The following UNC13A variants were observed in gnomAD, a reference collection of about 807,000 sequenced individuals.
The protein encoded by UNC13A is protein unc-13 homolog A.
In UNC13A, 61 loss-of-function variants were observed where a neutral mutation model predicts 219.7. That is an observed-to-expected ratio of 0.28 (90% CI 0.23 to 0.34). The LOEUF is 0.34. Ranked by LOEUF, UNC13A falls within the 10% of genes least tolerant of loss-of-function variation. The pLI is 1.00. For missense variants in UNC13A, 1,476 were observed against 2,270.3 expected (o/e 0.65, Z 7.11); for synonymous variants, 920 against 884.6 (o/e 1.04, Z -0.71).
intron 43 of UNC13A, among the ~76,000 whole-genome samples, chr19:17,608,652 G>A (rs943291352): frequency 1.3e-5 from 2 of 150,938 alleles, no homozygotes; most frequent in Non-Finnish European, 1.5e-5. Context: ...CGAGTAGCTG[G>A]GACTACAGGC....
chr19:17,648,376 A>T (rs373265371), intron 16 of UNC13A, 55 bp downstream of exon 16: 2 of 1,409,486 alleles, frequency 1.4e-6, no homozygotes, highest in South Asian at 2.9e-5. Context: ...CCGCCATGCA[A>T]GCCCCGGGGC....
At chr19:17,628,303 AC>A in intron 31 of UNC13A, 2 of 227,314 alleles carry the variant, frequency 8.8e-6, no homozygotes, top group Non-Finnish European at 1.7e-5. Flanking sequence ...ACAGTGACAC[AC>A]TGAAGGCGTG....
At chr19:17,629,409 AG>A in intron 30 of UNC13A, 86 bp from the exon 31 acceptor site, 1 of 1,253,394 alleles carries the variant, frequency 8.0e-7, no homozygotes, top group Non-Finnish European at 1.1e-6. Flanking sequence ...TAGTGAGATC[AG>A]TGATGAACCC....
intron 9 of UNC13A, among the ~76,000 whole-genome samples, chr19:17,657,422 G>A (rs1468248129): frequency 6.6e-6 from 1 of 152,148 alleles, no homozygotes; most frequent in Non-Finnish European, 1.5e-5. Context: ...GGCCAGGTCA[G>A]GCCCTCTGTT....
intron 26 of UNC13A, among the ~76,000 whole-genome samples, chr19:17,635,160 G>A (rs750325692): frequency 5.3e-5 from 8 of 151,530 alleles, no homozygotes; most frequent in Non-Finnish European, 8.8e-5. Context: ...GCCACCGCGC[G>A]TGGCCAATTT....
intron 1 of UNC13A, among the ~76,000 whole-genome samples, chr19:17,685,041 G>C (rs1297064769): frequency 6.6e-6 from 1 of 152,208 alleles, no homozygotes; most frequent in Non-Finnish European, 1.5e-5. Flanking sequence ...TCATCCACTT[G>C]TTGAAAGGGG....
intron 6 of UNC13A, 85 bp downstream of exon 6, chr19:17,668,032 G>A (rs1382782110): frequency 7.1e-7 from 1 of 1,401,580 alleles, no homozygotes; most frequent in South Asian, 1.2e-5. Context: ...CAAGCTTAGA[G>A]AGAAACAGCA....
At chr19:17,675,962 A>C (rs1293727476) in intron 2 of UNC13A, 50 bp downstream of exon 2, 1 of 1,520,838 alleles carries the variant, frequency 6.6e-7, no homozygotes, top group Admixed American at 2.0e-5. Flanking sequence ...TCCAAGAGAC[A>C]GACAGACAGA....
chr19:17,630,184 G>A lies in UNC13A; in HGVS notation c.3630C>T (p.Asp1210=). 4 of 1,552,220 alleles carry A rather than the reference G, an allele frequency of 2.6e-6. No individual in the cohort carries two copies. The highest frequency in any genetic ancestry group is 3.5e-6 in the Non-Finnish European group (4 of 1,147,158). ...TCATGTAGTGCCCCACGATCTGAGG[G>A]TCGGGACACTCGAGTTTCTTGATGA... is the stretch of plus-strand genomic sequence containing the variant. ...FEIIKKLECP[D]PQIVGHYMRR... The change falls in exon 30 of 44, where the codon GAC becomes GAT. Residue 1210 remains aspartate (D), a synonymous_variant. Transcript: ENST00000519716.
Position 17,666,668 on chromosome 19 carries a change from C to T in UNC13A, c.505G>A (p.Val169Ile), listed in dbSNP as rs755637752. ...FQDEQDKPLP[V>I]PSNQCCNWNY... ...TACTTACAGCACTGGTTGCTGGGGA[C>T]AGGCAGAGGCTTGTCTTGCTCATCT... is the stretch of plus-strand genomic sequence containing the variant. Residue 169 changes from valine to isoleucine, a missense_variant, in exon 7 of 44, where the codon GTC becomes ATC. Physicochemically the swap from Val to Ile is conservative, Grantham distance 29. Transcript: ENST00000519716. 3 of 1,530,290 alleles carry T rather than the reference C, an allele frequency of 2.0e-6. No homozygotes were observed. The highest frequency in any genetic ancestry group is 2.6e-6 in the Non-Finnish European group (3 of 1,137,730). The allele number at this position is 1,530,290 out of a possible 1,614,324, so 94.8% of individuals were successfully genotyped here.
intron 41 of UNC13A, among the ~76,000 whole-genome samples, chr19:17,616,766 G>C (rs748453080): frequency 3.3e-5 from 5 of 152,122 alleles, no homozygotes; most frequent in Admixed American, 1.3e-4. Context: ...TGGCTGGATC[G>C]GGGGAGAAGG....
chr19:17,618,423 T>G lies in UNC13A; in HGVS notation c.4408A>C (p.Lys1470Gln). 6.3e-7 allele frequency: 1 copy of G among 1,576,910 alleles called. No individual in the cohort carries two copies. The highest frequency in any genetic ancestry group is 8.6e-7 in the Non-Finnish European group (1 of 1,161,278). Residue 1470 changes from lysine to glutamine, a missense_variant and splice_region_variant, in exon 40 of 44, where the codon AAG (lysine) becomes CAG (glutamine). By Grantham distance (53) the Lys-to-Gln change is moderately conservative. Transcript: ENST00000519716. ...AVVELALDTI[K>Q]QYFHAGGVGL... is the part of the protein sequence containing the mutation. ...TGGGGAGGGGTAGGGCCTCTCACCT[T>G]GATGGTGTCCAGGGCCAACTCAACA... is the stretch of plus-strand genomic sequence containing the variant.
In UNC13A at chr19:17,656,413, C is replaced by T. The variant is rs2079455600; in HGVS notation, c.768-15G>A. 1 of 1,495,754 alleles carries T rather than the reference C, an allele frequency of 6.7e-7. No individual in the cohort carries two copies. The allele number at this position is 1,495,754 out of a possible 1,614,324, so 92.7% of individuals were successfully genotyped here. On this transcript the variant is annotated splice_polypyrimidine_tract_variant and intron_variant, in intron 9 of 43. Coordinates refer to ENST00000519716, the MANE Select transcript of UNC13A (RefSeq NM_001080421.3). The stretch of plus-strand genomic sequence containing the variant: ...TACCCGTGGGGCTGTGGGGATGGAA[C>T]AGGGTTCAGGGACTGGGGTACCGAG...
intron 1 of UNC13A, among the ~76,000 whole-genome samples, chr19:17,686,726 T>C (rs1343378269): frequency 1.3e-5 from 2 of 150,848 alleles, no homozygotes; most frequent in African/African-American, 4.9e-5. Flanking sequence ...AACACCCGCG[T>C]CCACGCCGGC....
At chr19:17,640,334 C>T (rs967465337) in intron 22 of UNC13A, among the ~76,000 whole-genome samples, 177 bp downstream of exon 22, 1 of 152,134 alleles carries the variant, frequency 6.6e-6, no homozygotes, top group Non-Finnish European at 1.5e-5. Context: ...CCACTGCGCC[C>T]GACCTCCATT....
At position 17,627,990 on chromosome 19, in the gene UNC13A, A is replaced by T; in HGVS notation, c.3754-50T>A. ...GTCAAGCCTCAGGACCTCTCCCCAGAGCCTCCCCTACCCACCGCCAGGGAC... is the reference window on the plus strand; with the variant it reads ...GTCAAGCCTCAGGACCTCTCCCCAGTGCCTCCCCTACCCACCGCCAGGGAC... On this transcript the variant is annotated intron_variant, in intron 31 of 43. Coordinates refer to ENST00000519716, the MANE Select transcript of UNC13A (RefSeq NM_001080421.3). The surrounding 1 kb of genome is among the most constrained non-coding windows in gnomAD (Gnocchi z 4.7). The T allele has an allele frequency of 2.0e-6, 3 of 1,530,854 alleles. No homozygotes were observed. Among genetic ancestry groups the T allele is most frequent in the Non-Finnish European group, 2.7e-6 (3 of 1,123,718 alleles). The allele number at this position is 1,530,854 out of a possible 1,614,324, so 94.8% of individuals were successfully genotyped here.
intron 1 of UNC13A, among the ~76,000 whole-genome samples, chr19:17,681,002 C>G (rs543392938): frequency 4.3e-5 from 6 of 138,488 alleles, no homozygotes; most frequent in Non-Finnish European, 6.1e-5. Context: ...CAGGTTCAAG[C>G]GATCCTCCCC....
chr19:17,674,751 A>G lies in UNC13A; in HGVS notation c.58T>C (p.Phe20Leu). 6.2e-7 allele frequency: 1 copy of G among 1,613,822 alleles called. No individual in the cohort carries two copies. Among genetic ancestry groups the G allele is most frequent in the Non-Finnish European group, 8.5e-7 (1 of 1,179,824 alleles). Residue 20 changes from phenylalanine to leucine, a missense_variant, in exon 3 of 44, where the codon TTC (phenylalanine) becomes CTC (leucine). Physicochemically the swap from Phe to Leu is conservative, Grantham distance 22. Around this residue, in one of 14 missense-constraint regions of UNC13A, gnomAD observed 203 missense variants for 301.6 expected, o/e 0.67. Transcript: ENST00000519716. The surrounding 1 kb of genome is among the most constrained non-coding windows in gnomAD (Gnocchi z 5.0). Reference protein sequence around the residue: ...KAKFDGAQEKFNTYVTLKVQN... With the variant: ...KAKFDGAQEKLNTYVTLKVQN... Reference sequence around the variant, plus strand: ...ACTTTCAGGGTCACGTACGTGTTGAATTTCTCTGTGGCAGTGAGAGTAGGG... The same window carrying G: ...ACTTTCAGGGTCACGTACGTGTTGAGTTTCTCTGTGGCAGTGAGAGTAGGG...
At chr19:17,680,058 G>A (rs1014236342) in intron 1 of UNC13A, among the ~76,000 whole-genome samples, 1 of 151,944 alleles carries the variant, frequency 6.6e-6, no homozygotes. Context: ...AGGGAAAAGG[G>A]GACAGGAAAG....
Sources: allele counts gnomAD v4.1 joint callset (sites outside exome capture counted in the v4.1 genomes callset), GRCh38; gene constraint gnomAD v4.1.1; regional missense constraint gnomAD v4.1.1; non-coding constraint Gnocchi (gnomAD v3.1); transcripts MANE v1.5; gene names NCBI Gene and HGNC (gene_info 2026-07-23, HGNC 2026-07-21).